Variants in FILIP1 observed in about 807,000 individuals in gnomAD.
FILIP1 encodes the protein filamin A interacting protein 1.
FILIP1 carries 61 observed loss-of-function variants against 102.1 expected under a neutral mutation model. That is an observed-to-expected ratio of 0.60 (90% confidence interval 0.49 to 0.74). The LOEUF (loss-of-function observed/expected upper bound fraction) is 0.74, where lower values mean the gene tolerates loss of function less well. Ranked by LOEUF, FILIP1 falls within the 30% of genes least tolerant of loss-of-function variation. The pLI, the probability that FILIP1 is intolerant of heterozygous loss-of-function variation, is 0.00. For missense variants in FILIP1, 1,314 were observed against 1,441.2 expected (o/e 0.91, Z 1.43); for synonymous variants, 491 against 526.9 (o/e 0.93, Z 0.93).
intron 2 of FILIP1, among the ~76,000 whole-genome samples, chr6:75,409,190 T>C (rs532985468): frequency 1.3e-5 from 2 of 152,300 alleles, no homozygotes; most frequent in South Asian, 4.2e-4. Flanking sequence ...ATGTAAGTGA[T>C]ATAATGGGAA....
chr6:75,323,207 A>G (rs1457416120), intron 4 of FILIP1, among the ~76,000 whole-genome samples: 1 of 152,198 alleles, frequency 6.6e-6, no homozygotes, highest in Non-Finnish European at 1.5e-5. Context: ...AATGAGTGGC[A>G]TAGTAGTTCC....
chr6:75,380,152 CAAAG>C (rs1447072420), intron 2 of FILIP1, among the ~76,000 whole-genome samples: 2 of 146,804 alleles, frequency 1.4e-5, no homozygotes, highest in African/African-American at 5.1e-5. Context: ...TCTGAAATAA[CAAAG>C]AAAAAAATAG....
intron 4 of FILIP1, chr6:75,319,895 T>G (rs1391011890): frequency 4.3e-6 from 2 of 464,410 alleles, no homozygotes; most frequent in Non-Finnish European, 3.9e-6. Flanking sequence ...GTGCTTCTTC[T>G]TATGCTCCTC....
chr6:75,493,030 A>G (rs1163226187), intron 1 of FILIP1, among the ~76,000 whole-genome samples: 2 of 152,248 alleles, frequency 1.3e-5, no homozygotes, highest in Non-Finnish European at 2.9e-5. Context: ...AGCTAGTTTC[A>G]GTAAATGAAA....
At chr6:75,473,897 C>G (rs1047304475) in intron 1 of FILIP1, 1 of 151,968 alleles carries the variant, frequency 6.6e-6, no homozygotes, top group African/African-American at 2.4e-5. Context: ...TTTTTTAGGA[C>G]GAAGGTAAGG....
chr6:75,358,695 T>C (rs1775082063), intron 3 of FILIP1: 2 of 150,222 alleles, frequency 1.3e-5, no homozygotes, highest in African/African-American at 5.0e-5. Flanking sequence ...ATTGCCAATA[T>C]TTATTTATTT....
chr6:75,353,793 G>A (rs992523498), intron 3 of FILIP1, 76 bp from the exon 4 acceptor site: 4 of 1,444,788 alleles, frequency 2.8e-6, no homozygotes, highest in Non-Finnish European at 3.8e-6. Flanking sequence ...TGTTGACATG[G>A]GTCTAGTGAC....
intron 2 of FILIP1, among the ~76,000 whole-genome samples, chr6:75,393,365 G>A (rs1046995290): frequency 6.6e-6 from 1 of 151,940 alleles, no homozygotes; most frequent in South Asian, 2.1e-4. Flanking sequence ...ATATCCAAAA[G>A]AAAACAAATA....
At position 75,291,922 on chromosome 6, in the gene FILIP1, T is replaced by G. The variant is rs1454848770; in HGVS notation, c.*3988A>C. The G allele has an allele frequency of 2.6e-5, 4 of 152,392 alleles. No individual in the cohort carries two copies. The East Asian group carries it at 7.7e-4, about 29-fold the overall frequency. 9.4% of individuals were successfully genotyped at this position (152,392 alleles called of 1,614,324 possible). A position where few individuals can be genotyped will look rare whatever the true frequency, so the allele number is the denominator to read the frequency against. On this transcript the variant is annotated 3_prime_UTR_variant, in exon 7 of 7. Coordinates refer to the FILIP1 transcript ENST00000393004. ...CAACTCAAGATATTGCACAATGCTT[T>G]AATATTACACTTGTTATTTTTCTCA...
chr6:75,430,666 C>T (rs571131480), intron 1 of FILIP1, among the ~76,000 whole-genome samples: 1 of 152,136 alleles, frequency 6.6e-6, no homozygotes, highest in Non-Finnish European at 1.5e-5. Context: ...GGTCTCATAT[C>T]TGAGGATTAA....
At chr6:75,333,402 T>C (rs1409180292) in intron 4 of FILIP1, among the ~76,000 whole-genome samples, 1 of 152,118 alleles carries the variant, frequency 6.6e-6, no homozygotes, top group African/African-American at 2.4e-5. Context: ...TTGACTATTG[T>C]TAATCTAGAA....
At chr6:75,467,899 A>C (rs1471937055) in intron 1 of FILIP1, among the ~76,000 whole-genome samples, 1 of 152,228 alleles carries the variant, frequency 6.6e-6, no homozygotes, top group African/African-American at 2.4e-5. Flanking sequence ...GGAGAGCAGT[A>C]GGAACAGCAA....
At chr6:75,442,514 G>A (rs965222700) in intron 1 of FILIP1, among the ~76,000 whole-genome samples, 13 of 152,332 alleles carry the variant, frequency 8.5e-5, no homozygotes, top group African/African-American at 3.1e-4. Flanking sequence ...CACCTCGGGA[G>A]GCCGAGGCTG....
chr6:75,390,718 C>T (rs1362360250), intron 2 of FILIP1, among the ~76,000 whole-genome samples: 1 of 152,168 alleles, frequency 6.6e-6, no homozygotes, highest in African/African-American at 2.4e-5. Context: ...CTGGGGATTA[C>T]ATTTCAACAT....
chr6:75,315,546 G>A (rs1020473217), intron 4 of FILIP1, among the ~76,000 whole-genome samples: 2 of 152,206 alleles, frequency 1.3e-5, no homozygotes, highest in Non-Finnish European at 1.5e-5. Context: ...CTTTAATACA[G>A]TAGCCATTAA....
At chr6:75,474,675 T>C (rs1471509911) in intron 1 of FILIP1, among the ~76,000 whole-genome samples, 1 of 152,134 alleles carries the variant, frequency 6.6e-6, no homozygotes, top group East Asian at 1.9e-4. Context: ...GAAACTATTA[T>C]ACTCATTAGG....
intron 2 of FILIP1, among the ~76,000 whole-genome samples, chr6:75,364,879 A>G (rs1775277071): frequency 1.3e-5 from 2 of 152,186 alleles, no homozygotes; most frequent in Admixed American, 1.3e-4. Context: ...TTTCTCCTTT[A>G]AGTCATCCTC....
chr6:75,429,967 T>C (rs1777772413), intron 1 of FILIP1, among the ~76,000 whole-genome samples: 1 of 152,218 alleles, frequency 6.6e-6, no homozygotes, highest in Non-Finnish European at 1.5e-5. Context: ...AATGTCATAG[T>C]CTAAGAGAGT....
At chr6:75,322,614 T>C (rs1468867221) in intron 4 of FILIP1, among the ~76,000 whole-genome samples, 2 of 152,372 alleles carry the variant, frequency 1.3e-5, no homozygotes, top group African/African-American at 4.8e-5. Flanking sequence ...GTAAATGAAT[T>C]AATAGGTATT....
Sources: allele counts gnomAD v4.1 joint callset (sites outside exome capture counted in the v4.1 genomes callset), GRCh38; gene constraint gnomAD v4.1.1; transcripts MANE v1.5; gene names NCBI Gene and HGNC (gene_info 2026-07-23, HGNC 2026-07-21).